STAB2: variants seen among roughly 807,000 people sequenced by gnomAD.
STAB2 encodes stabilin-2.
A neutral mutation model predicts 338.1 loss-of-function variants in STAB2; 288 were observed. The observed-to-expected ratio is 0.85, with a 90% CI of 0.77 to 0.94. STAB2 has a LOEUF of 0.94. STAB2 is among the 40% of genes least tolerant of loss of function. STAB2 has a pLI of 0.00. For missense variants in STAB2, 3,141 were observed against 3,210.1 expected (o/e 0.98, Z 0.52); for synonymous variants, 1,202 against 1,193.3 (o/e 1.01, Z -0.15).
rs760796174 is a variant in STAB2 at position 103,683,305 on chromosome 12, G to A, written c.2901+5G>A. On this transcript the variant is annotated splice_donor_5th_base_variant and intron_variant, in intron 26 of 68. Transcript: ENST00000388887. ...ACCGGGAAATGTCATCCATTGGTGA[G>A]TTATTTAACCTTGTTTTTCATTACT... The A allele has an allele frequency of 2.4e-5, 36 of 1,515,856 alleles. No individual in the cohort carries two copies. Among genetic ancestry groups the A allele is most frequent in the Non-Finnish European group, 5.4e-6 (6 of 1,106,090 alleles). The allele number at this position is 1,515,856 out of a possible 1,614,324, so 93.9% of individuals were successfully genotyped here. A position where few individuals can be genotyped will look rare whatever the true frequency, so the allele number is the denominator to read the frequency against.
Position 103,705,721 on chromosome 12 carries a change from C to G in STAB2, c.3990C>G (p.Thr1330=). The change falls in exon 37 of 69, where the codon ACC becomes ACG. Residue 1330 remains threonine, a synonymous_variant. Coordinates refer to ENST00000388887, the MANE Select transcript of STAB2 (RefSeq NM_017564.10). ...GGTGCCAGCCAAAATGTGTGAGAAC[C>G]GTCATTGTGAGTACAATAATTGAAT... The part of the protein sequence containing the change: ...FIGCQPKCVR[T]VITRECCAGF... The G allele has an allele frequency of 1.2e-6, 2 of 1,614,008 alleles. No homozygotes were observed. The highest frequency in any genetic ancestry group is 2.2e-5 in the South Asian group (2 of 91,074).
chr12:103,765,812 G>C (rs1884909375), intron 68 of STAB2, among the ~76,000 whole-genome samples: 1 of 152,210 alleles, frequency 6.6e-6, no homozygotes. Context: ...GAAGTGCTGG[G>C]ATTACAGGCG....
chr12:103,642,011 A>G (rs1245004092), intron 9 of STAB2, among the ~76,000 whole-genome samples: 1 of 152,224 alleles, frequency 6.6e-6, no homozygotes. Flanking sequence ...CATTTGTCAC[A>G]GAAGACCACC....
At chr12:103,721,589 T>C (rs1002584150) in intron 44 of STAB2, among the ~76,000 whole-genome samples, 1 of 152,170 alleles carries the variant, frequency 6.6e-6, no homozygotes, top group Non-Finnish European at 1.5e-5. Flanking sequence ...CTATGCAGGA[T>C]AGGGGTTCTA....
At chr12:103,742,952 C>G (rs1882702317) in intron 56 of STAB2, among the ~76,000 whole-genome samples, 1 of 151,804 alleles carries the variant, frequency 6.6e-6, no homozygotes, top group African/African-American at 2.4e-5. Flanking sequence ...TTATTATCTG[C>G]AAGTAGCAGA....
Position 103,750,615 on chromosome 12 carries a change from G to A in STAB2, c.6475G>A (p.Gly2159Arg), listed in dbSNP as rs149196232. Residue 2159 changes from glycine to arginine, a missense_variant, in exon 60 of 69, where the codon GGA (glycine) becomes AGA (arginine). Transcript: ENST00000388887. ...GTGTGAGTGTAAAAGTCACTATGTC[G>A]GAGATGGGCTGAACTGTGAGCCGGA... ...HKCECKSHYV[G>R]DGLNCEPEQL... 129 of 1,614,190 alleles carry A rather than the reference G, an allele frequency of 8.0e-5. No individual in the cohort carries two copies. The highest frequency in any genetic ancestry group is 1.8e-4 in the South Asian group (16 of 91,078).
intron 9 of STAB2, among the ~76,000 whole-genome samples, chr12:103,644,495 C>A (rs1873184802): frequency 6.7e-6 from 1 of 149,996 alleles, no homozygotes; most frequent in South Asian, 2.1e-4. Flanking sequence ...CCTGCCAAAT[C>A]CCCCTCTGTG....
At position 103,735,704 on chromosome 12, in the gene STAB2, T is replaced by C. The variant is rs988266762; in HGVS notation, c.5550+124T>C. On this transcript the variant is annotated intron_variant, in intron 52 of 68. Transcript: ENST00000388887. Reference sequence around the variant, plus strand: ...CCTCCATTCATAGCGGGCTCATTTTTTTTCTCACTACCTTCAGAGGTATTT... The same window carrying C: ...CCTCCATTCATAGCGGGCTCATTTTCTTTCTCACTACCTTCAGAGGTATTT... The C allele has an allele frequency of 1.9e-5, 14 of 753,416 alleles. No individual in the cohort carries two copies. The African/African-American group carries it at 2.3e-4, about 12-fold the overall frequency. The allele number at this position is 753,416 out of a possible 1,614,324, so 46.7% of individuals were successfully genotyped here.
At chr12:103,668,302 T>C (rs529494538) in intron 19 of STAB2, among the ~76,000 whole-genome samples, 1 of 152,320 alleles carries the variant, frequency 6.6e-6, no homozygotes, top group African/African-American at 2.4e-5. Context: ...TAGGAGATCT[T>C]AGGGATGGCT....
At chr12:103,650,183 G>T (rs978464433) in intron 10 of STAB2, among the ~76,000 whole-genome samples, 1 of 151,874 alleles carries the variant, frequency 6.6e-6, no homozygotes, top group Non-Finnish European at 1.5e-5. Context: ...AAAGTTAAGC[G>T]CAGGATCAGG....
rs538821523 is a variant in STAB2 at position 103,648,937 on chromosome 12, T to C, written c.1174+114T>C. On this transcript the variant is annotated intron_variant, in intron 10 of 68. Coordinates refer to ENST00000388887, the MANE Select transcript of STAB2 (RefSeq NM_017564.10). ...CGAGCCTTGTCTATTAGAATCAGCC[T>C]TTTTGGAGGGGTCATGCAGGTGAGA... 1.3e-5 allele frequency: 18 copies of C among 1,433,312 alleles called. No individual in the cohort carries two copies. In the Admixed American group the frequency reaches 2.5e-4, roughly 20 times the overall value. The allele number at this position is 1,433,312 out of a possible 1,614,324, so 88.8% of individuals were successfully genotyped here.
chr12:103,667,841 A>G (rs1875307183), intron 19 of STAB2, among the ~76,000 whole-genome samples: 1 of 152,234 alleles, frequency 6.6e-6, no homozygotes, highest in Non-Finnish European at 1.5e-5. Context: ...TTCTCGTGAC[A>G]AAACTTGAAA....
At chr12:103,716,709 G>A (rs1242886646) in intron 43 of STAB2, among the ~76,000 whole-genome samples, 1 of 152,218 alleles carries the variant, frequency 6.6e-6, no homozygotes, top group East Asian at 1.9e-4. Flanking sequence ...GGGGAATTCG[G>A]AACAGTCAAT....
rs184559479 is a variant in STAB2 at position 103,696,192 on chromosome 12, T to A, written c.3582+348T>A. Among the ~76,000 whole-genome samples the A allele has an allele frequency of 9.1e-4, 138 of 152,158 alleles. 2 individuals are homozygous for A. In the East Asian group the frequency reaches 0.02, roughly 22 times the overall value. On this transcript the variant is annotated intron_variant, in intron 33 of 68. Transcript: ENST00000388887. ...GGATCTATCTATAGAACCATCACTC[T>A]GGTTCTAGCCCGAGTGATGAAACCA...
intron 37 of STAB2, among the ~76,000 whole-genome samples, chr12:103,706,192 T>G (rs1298213496): frequency 6.6e-6 from 1 of 152,172 alleles, no homozygotes; most frequent in African/African-American, 2.4e-5. Context: ...TGACTAGACA[T>G]AACCTCTGCC....
At chr12:103,617,053 A>G (rs1212368723) in intron 3 of STAB2, among the ~76,000 whole-genome samples, 1 of 152,216 alleles carries the variant, frequency 6.6e-6, no homozygotes, top group Non-Finnish European at 1.5e-5. Flanking sequence ...AGCTTTTGCC[A>G]TCTGTTGAGA....
chr12:103,652,069 G>A (rs572002405), intron 11 of STAB2, among the ~76,000 whole-genome samples: 17 of 152,306 alleles, frequency 1.1e-4, no homozygotes, highest in African/African-American at 2.9e-4. Flanking sequence ...TGTTGACTAC[G>A]TAGTAATGAC....
At chr12:103,627,253 A>G (rs1957394938) in intron 5 of STAB2, among the ~76,000 whole-genome samples, 1 of 152,198 alleles carries the variant, frequency 6.6e-6, no homozygotes, top group African/African-American at 2.4e-5. Flanking sequence ...TACACACCAG[A>G]CAGGTGAAGT....
intron 31 of STAB2, 70 bp downstream of exon 31, chr12:103,692,959 T>A: frequency 2.9e-6 from 2 of 691,678 alleles, no homozygotes; most frequent in Non-Finnish European, 4.0e-6. Flanking sequence ...CTATACAGCA[T>A]TTTTTTTTTT....
Sources: gnomAD v4.1 joint callset for allele counts (sites outside exome capture counted in the v4.1 genomes callset) on GRCh38, gnomAD v4.1.1 for gene constraint, MANE v1.5 for transcripts, NCBI Gene and HGNC (gene_info 2026-07-23, HGNC 2026-07-21) for gene names.